MAP2K5: variants seen among roughly 807,000 people sequenced by gnomAD.
MAP2K5 encodes the protein dual specificity mitogen-activated protein kinase kinase 5.
A neutral mutation model predicts 83.1 loss-of-function variants in MAP2K5; 49 were observed. The observed-to-expected ratio is 0.59, with a 90% CI of 0.47 to 0.75. MAP2K5 has a LOEUF of 0.75. MAP2K5 is among the 30% of genes least tolerant of loss of function. The pLI is 0.00. For synonymous variants in MAP2K5, 202 were observed against 191.8 expected (o/e 1.05, Z -0.44); for missense variants, 457 against 557.5 (o/e 0.82, Z 1.82).
chr15:67,736,484 G>A lies in MAP2K5; in HGVS notation c.1074+8539G>A, dbSNP rs117049462. On this transcript the variant is annotated intron_variant, in intron 17 of 21. Coordinates refer to ENST00000178640, the MANE Select transcript of MAP2K5 (RefSeq NM_145160.3). The surrounding 1 kb of genome is among the most constrained non-coding windows in gnomAD (Gnocchi z 4.3). ...TTAGTATTATTTATATTTCCAGAAAGTTCTTCAGGGATTTACCTATGTAAC... is the reference window on the plus strand; with the variant it reads ...TTAGTATTATTTATATTTCCAGAAAATTCTTCAGGGATTTACCTATGTAAC... Among the ~76,000 whole-genome samples, 3,626 of 152,248 alleles carry A rather than the reference G, an allele frequency of 0.024. 72 individuals are homozygous for A. Among genetic ancestry groups the A allele is most frequent in the Middle Eastern group, 0.051 (15 of 294 alleles).
At chr15:67,729,633 G>A (rs925549148) in intron 17 of MAP2K5, among the ~76,000 whole-genome samples, 17 of 152,018 alleles carry the variant, frequency 1.1e-4, no homozygotes, top group African/African-American at 3.1e-4. Context: ...AAAATTAGCC[G>A]GGCGTGGTGG....
At position 67,563,494 on chromosome 15, in the gene MAP2K5, G is replaced by T. The variant is rs1255787154; in HGVS notation, c.252+144G>T. On this transcript the variant is annotated intron_variant, in intron 3 of 21. Transcript: ENST00000178640. This position sits in a 1 kb window ranked among gnomAD's most constrained non-coding sequence, Gnocchi z 4.5. Reference sequence around the variant, plus strand: ...ATAGGTAAAGGTTTCAAGGATTTCCGTATGTGAAAGTTAAGGGCATTATTT... The same window carrying T: ...ATAGGTAAAGGTTTCAAGGATTTCCTTATGTGAAAGTTAAGGGCATTATTT... 6 of 995,496 alleles carry T rather than the reference G, an allele frequency of 6.0e-6. No homozygotes were observed. In the African/African-American group the frequency reaches 9.7e-5, roughly 16 times the overall value. The allele number at this position is 995,496 out of a possible 1,614,324, so 61.7% of individuals were successfully genotyped here.
chr15:67,669,566 A>G (rs1447900685), intron 13 of MAP2K5, among the ~76,000 whole-genome samples: 1 of 152,096 alleles, frequency 6.6e-6, no homozygotes, highest in Non-Finnish European at 1.5e-5. Flanking sequence ...GCTGTTAGGA[A>G]AATGTTTTGG....
chr15:67,695,616 C>T (rs2088233080), intron 15 of MAP2K5, among the ~76,000 whole-genome samples: 1 of 152,100 alleles, frequency 6.6e-6, no homozygotes, highest in Admixed American at 6.6e-5. Flanking sequence ...GTTGGGGGGA[C>T]ATGACTATAA....
At chr15:67,666,914 C>T (rs2087394775) in intron 13 of MAP2K5, among the ~76,000 whole-genome samples, 1 of 152,140 alleles carries the variant, frequency 6.6e-6, no homozygotes, top group African/African-American at 2.4e-5. Flanking sequence ...ACAGTTATGT[C>T]CCAGTAGTTA....
intron 19 of MAP2K5, among the ~76,000 whole-genome samples, chr15:67,762,435 T>TA (rs2089965573): frequency 6.6e-6 from 1 of 152,116 alleles, no homozygotes; most frequent in Non-Finnish European, 1.5e-5. Flanking sequence ...CAATTATAAA[T>TA]ACAGTTTAAA....
At chr15:67,744,589 T>C (rs755992336) in intron 17 of MAP2K5, among the ~76,000 whole-genome samples, 5 of 152,252 alleles carry the variant, frequency 3.3e-5, no homozygotes, top group Non-Finnish European at 5.9e-5. Context: ...AGATTCATTT[T>C]AGTTTTCTGA....
chr15:67,673,233 G>A (rs1279955991), intron 13 of MAP2K5, among the ~76,000 whole-genome samples: 1 of 151,730 alleles, frequency 6.6e-6, no homozygotes, highest in Non-Finnish European at 1.5e-5. Context: ...TGAAACAATG[G>A]TAGATCCACC....
At chr15:67,799,648 ACTGCAGGCCTC>A (rs2090666273) in intron 21 of MAP2K5, among the ~76,000 whole-genome samples, 2 of 152,254 alleles carry the variant, frequency 1.3e-5, no homozygotes, top group South Asian at 4.1e-4. Flanking sequence ...GAGGTGAACA[ACTGCAGGCCTC>A]CTGCAGGCTT....
chr15:67,575,916 CTTTTT>C (rs71142381), intron 3 of MAP2K5, among the ~76,000 whole-genome samples: 1,771 of 135,502 alleles, frequency 0.013, 13 homozygotes, highest in Middle Eastern at 0.026. Context: ...TTCTTTCTTT[CTTTTT>C]TTTTTTTTTT....
rs2084764704 is a variant in MAP2K5 at position 67,562,892 on chromosome 15, G to A, written c.185-391G>A. Among the ~76,000 whole-genome samples the A allele has an allele frequency of 6.6e-6, 1 of 152,146 alleles. No homozygotes were observed. The highest frequency in any genetic ancestry group is 1.5e-5 in the Non-Finnish European group (1 of 68,024). ...GTGAGATGATAGATTGCCTGGGAGA[G>A]AGGAAGAATGGAGAAATCGGGGTAT... On this transcript the variant is annotated intron_variant, in intron 2 of 21. Transcript: ENST00000178640. This position sits in a 1 kb window ranked among gnomAD's most constrained non-coding sequence, Gnocchi z 4.1.
chr15:67,666,855 C>T (rs2087393193), intron 13 of MAP2K5, among the ~76,000 whole-genome samples: 1 of 152,198 alleles, frequency 6.6e-6, no homozygotes, highest in Non-Finnish European at 1.5e-5. Context: ...AATGAGTGTG[C>T]ACCTACATCT....
At chr15:67,604,291 G>C (rs1399039841) in intron 8 of MAP2K5, among the ~76,000 whole-genome samples, 1 of 152,250 alleles carries the variant, frequency 6.6e-6, no homozygotes, top group Non-Finnish European at 1.5e-5. Context: ...TTAAAGTATG[G>C]CCCAAGCCTA....
rs1372986231 is a variant in MAP2K5, at chr15:67,552,396, G to A, written c.184+2314G>A. On this transcript the variant is annotated intron_variant, in intron 2 of 21. Transcript: ENST00000178640. The surrounding 1 kb of genome is among the most constrained non-coding windows in gnomAD (Gnocchi z 4.2). ...ATGCTTTGCTAAGAGCATTCCATGG[G>A]TTATCTTATTTCTTTTAACCATCAC... 6.6e-6 allele frequency among the ~76,000 whole-genome samples: 1 copy of A among 152,136 alleles called. No homozygotes were observed. Among genetic ancestry groups the A allele is most frequent in the Non-Finnish European group, 1.5e-5 (1 of 68,020 alleles).
In MAP2K5 at chr15:67,592,943, C is replaced by A; in HGVS notation, c.449C>A (p.Ala150Asp). 1 of 1,607,220 alleles carries A rather than the reference C, an allele frequency of 6.2e-7. No homozygotes were observed. Among genetic ancestry groups the A allele is most frequent in the Non-Finnish European group, 8.5e-7 (1 of 1,175,778 alleles). Residue 150 changes from alanine to aspartate, a missense_variant, in exon 7 of 22, where the codon GCT becomes GAT. Ala to Asp is a moderately radical substitution (Grantham distance 126, BLOSUM62 -2). Coordinates refer to ENST00000178640, the MANE Select transcript of MAP2K5 (RefSeq NM_145160.3). ...LPSNSLKKSSAELKKILANGQ... is the reference protein window; with the variant it reads ...LPSNSLKKSSDELKKILANGQ... ...CTTTTCAGCTTAAAGAAGTCTTCTG[C>A]TGAACTGAAAAAAATACTAGCCAAT...
At position 67,783,472 on chromosome 15, in the gene MAP2K5, CA is replaced by C. The variant is rs1268151687; in HGVS notation, c.1242+10722del. 3.5e-4 allele frequency among the ~76,000 whole-genome samples: 54 copies of C among 152,180 alleles called. No homozygotes were observed. The highest frequency in any genetic ancestry group is 1.8e-4 in the Non-Finnish European group (12 of 68,032). On this transcript the variant is annotated intron_variant, in intron 21 of 21. Transcript: ENST00000178640. The surrounding 1 kb of genome is among the most constrained non-coding windows in gnomAD (Gnocchi z 5.1). The stretch of plus-strand genomic sequence containing the variant: ...GGTGAACTTCTCCACCTCCGAAACC[CA>C]ACTGGCACAACCTCTGTGAAGCTTT...
intron 1 of MAP2K5, chr15:67,546,436 C>T (rs747276704): frequency 2.9e-5 from 6 of 204,816 alleles, no homozygotes; most frequent in Admixed American, 6.5e-5. Context: ...CTGAGTGTCT[C>T]GGACCTGAAG....
In MAP2K5 at chr15:67,790,563, A is replaced by G. The variant is rs1001023039; in HGVS notation, c.1243-16083A>G. 6.6e-6 allele frequency among the ~76,000 whole-genome samples: 1 copy of G among 152,192 alleles called. No homozygotes were observed. Among genetic ancestry groups the G allele is most frequent in the Non-Finnish European group, 1.5e-5 (1 of 68,040 alleles). On this transcript the variant is annotated intron_variant, in intron 21 of 21. Transcript: ENST00000178640. This position sits in a 1 kb window ranked among gnomAD's most constrained non-coding sequence, Gnocchi z 4.6. ...TTTAGTTACATGGAATTCTAAACCC[A>G]GAAGTCTGCTCATTCTTGTTTTAAA...
chr15:67,622,548 C>T (rs1294222676), intron 8 of MAP2K5, among the ~76,000 whole-genome samples: 3 of 150,584 alleles, frequency 2.0e-5, no homozygotes, highest in Non-Finnish European at 4.4e-5. Context: ...TTTTGTAAAA[C>T]ACTATCCAGG....
Sources: allele counts gnomAD v4.1 joint callset (sites outside exome capture counted in the v4.1 genomes callset), GRCh38; gene constraint gnomAD v4.1.1; non-coding constraint Gnocchi (gnomAD v3.1); transcripts MANE v1.5; gene names NCBI Gene and HGNC (gene_info 2026-07-23, HGNC 2026-07-21).